The following LDLRAD4 variants were observed in gnomAD, a reference collection of about 807,000 sequenced individuals.
The protein encoded by LDLRAD4 is low density lipoprotein receptor class A domain containing 4.
Under a neutral mutation model 17.0 loss-of-function variants are expected in LDLRAD4, and 5 were observed. That is an observed-to-expected ratio of 0.29 (90% confidence interval 0.15 to 0.62). The LOEUF (loss-of-function observed/expected upper bound fraction) is 0.62, where lower values mean the gene tolerates loss of function less well. Among genes scored for constraint, LDLRAD4 ranks in the 20% least tolerant of loss-of-function variants. The pLI is 0.84. For synonymous variants in LDLRAD4, 168 were observed against 171.8 expected (o/e 0.98, Z 0.17); for missense variants, 340 against 424.7 (o/e 0.80, Z 1.75).
At chr18:13,239,149 T>A (rs887519726) in intron 1 of LDLRAD4, among the ~76,000 whole-genome samples, 4 of 146,018 alleles carry the variant, frequency 2.7e-5, no homozygotes, top group Middle Eastern at 7.1e-3. Context: ...ATCACACCAC[T>A]GTACTCCAGC....
At chr18:13,438,470 G>A (rs2090813373) in intron 3 of LDLRAD4, 86 bp downstream of exon 4, 2 of 1,084,280 alleles carry the variant, frequency 1.8e-6, no homozygotes, top group Non-Finnish European at 2.7e-6. Flanking sequence ...ATGGGAAGGA[G>A]GTTGTTTTCT....
At chr18:13,417,858 TTGTG>T (rs2089064441) in intron 2 of LDLRAD4, among the ~76,000 whole-genome samples, 2 of 151,896 alleles carry the variant, frequency 1.3e-5, no homozygotes, top group South Asian at 2.1e-4. Flanking sequence ...TGTGTGTGGT[TTGTG>T]TGTGTGTGTT....
At chr18:13,261,718 G>A (rs1003368577) in intron 1 of LDLRAD4, among the ~76,000 whole-genome samples, 1 of 152,152 alleles carries the variant, frequency 6.6e-6, no homozygotes, top group Non-Finnish European at 1.5e-5. Context: ...TTCAGGATTT[G>A]TAAAGACTTC....
intron 3 of LDLRAD4, among the ~76,000 whole-genome samples, chr18:13,532,965 A>G (rs2094150904): frequency 6.6e-6 from 1 of 152,242 alleles, no homozygotes; most frequent in Non-Finnish European, 1.5e-5. Flanking sequence ...CTGAATGAGA[A>G]GCAAAACAAC....
chr18:13,375,431 G>T (rs1050081872), intron 1 of LDLRAD4, among the ~76,000 whole-genome samples: 2 of 152,158 alleles, frequency 1.3e-5, no homozygotes. Context: ...CATTTCGATA[G>T]GAGTGATGTC....
Position 13,284,229 on chromosome 18 carries a change from G to A in LDLRAD4, c.-383+6041G>A, listed in dbSNP as rs969679170. Among the ~76,000 whole-genome samples the A allele has an allele frequency of 4.3e-4, 65 of 152,250 alleles. 1 individual carries two copies. The highest frequency in any genetic ancestry group is 8.8e-4 in the Non-Finnish European group (60 of 68,024). On this transcript the variant is annotated intron_variant, in intron 1 of 5. Coordinates refer to ENST00000359446, the Ensembl canonical transcript of LDLRAD4. ...TGCCAGCCCGCAGGAAGAAAGTCCCGTGGTGGGAACACCACTTTCAGAGGT... is the reference window on the plus strand; with the variant it reads ...TGCCAGCCCGCAGGAAGAAAGTCCCATGGTGGGAACACCACTTTCAGAGGT...
chr18:13,466,807 C>A (rs73406360), intron 3 of LDLRAD4, among the ~76,000 whole-genome samples: 8,428 of 152,266 alleles, frequency 0.055, 263 homozygotes, highest in Middle Eastern at 0.068. Flanking sequence ...TTTCCTGGTT[C>A]ATAGATGGAA....
chr18:13,506,140 C>T (rs1426951932), intron 3 of LDLRAD4, among the ~76,000 whole-genome samples: 1 of 152,184 alleles, frequency 6.6e-6, no homozygotes, highest in African/African-American at 2.4e-5. Flanking sequence ...AGCCACTTTC[C>T]TCCTAAGCTC....
chr18:13,577,735 A>C (rs2094795962), intron 3 of LDLRAD4, among the ~76,000 whole-genome samples: 1 of 152,198 alleles, frequency 6.6e-6, no homozygotes, highest in South Asian at 2.1e-4. Context: ...TCGGTTGCAA[A>C]TTGATTTGCT....
At chr18:13,329,849 T>C (rs927938056) in intron 1 of LDLRAD4, among the ~76,000 whole-genome samples, 5 of 152,204 alleles carry the variant, frequency 3.3e-5, no homozygotes, top group African/African-American at 1.2e-4. Flanking sequence ...TTCATTATTC[T>C]GATTAATTGG....
At chr18:13,236,413 G>C (rs2042341771) in intron 1 of LDLRAD4, 1 of 148,120 alleles carries the variant, frequency 6.8e-6, no homozygotes, top group South Asian at 2.1e-4. Flanking sequence ...GGGTTCAAGC[G>C]ATTCTCCTGC....
intron 4 of LDLRAD4, among the ~76,000 whole-genome samples, chr18:13,634,468 T>C (rs1372734491): frequency 6.6e-6 from 1 of 152,128 alleles, no homozygotes; most frequent in African/African-American, 2.4e-5. Context: ...CCATTTTCAA[T>C]AGCATCAAAA....
chr18:13,238,176 G>C (rs1025030395), intron 1 of LDLRAD4, among the ~76,000 whole-genome samples: 2 of 152,190 alleles, frequency 1.3e-5, no homozygotes, highest in Non-Finnish European at 2.9e-5. Flanking sequence ...GAGGGCATGA[G>C]ATCACAGAGC....
intron 1 of LDLRAD4, among the ~76,000 whole-genome samples, chr18:13,270,371 A>G (rs2044463118): frequency 6.6e-6 from 1 of 151,696 alleles, no homozygotes; most frequent in Non-Finnish European, 1.5e-5. Flanking sequence ...AAAAAAAAAG[A>G]AAAGGAAAAA....
intron 1 of LDLRAD4, among the ~76,000 whole-genome samples, chr18:13,360,299 T>A (rs562798847): frequency 6.6e-6 from 1 of 152,364 alleles, no homozygotes; most frequent in South Asian, 2.1e-4. Context: ...CCTGTAGAGA[T>A]TCCCTTCTCA....
At chr18:13,632,971 C>T (rs1037257645) in intron 4 of LDLRAD4, among the ~76,000 whole-genome samples, 1 of 152,008 alleles carries the variant, frequency 6.6e-6, no homozygotes, top group African/African-American at 2.4e-5. Flanking sequence ...ATGGGTAGCT[C>T]CTTTCTGTAG....
chr18:13,510,907 C>A (rs1940915), intron 3 of LDLRAD4, among the ~76,000 whole-genome samples: 56,838 of 152,006 alleles, frequency 0.37, 11,675 homozygotes, highest in Middle Eastern at 0.56. Context: ...GAAACTTCAA[C>A]ACAAAACAAA....
intron 3 of LDLRAD4, among the ~76,000 whole-genome samples, chr18:13,547,668 G>T (rs147930780): frequency 4.0e-4 from 61 of 152,318 alleles, no homozygotes; most frequent in African/African-American, 1.3e-3. Context: ...GCTGTGGCTG[G>T]ACCAGGCATA....
At chr18:13,231,354 G>A (rs959505592) in intron 1 of LDLRAD4, among the ~76,000 whole-genome samples, 1 of 152,188 alleles carries the variant, frequency 6.6e-6, no homozygotes, top group Admixed American at 6.5e-5. Flanking sequence ...TGGGCACGGG[G>A]CGCTGCTCTT....
Sources: allele counts gnomAD v4.1 joint callset (sites outside exome capture counted in the v4.1 genomes callset), GRCh38; gene constraint gnomAD v4.1.1; transcripts MANE v1.5; gene names NCBI Gene and HGNC (gene_info 2026-07-23, HGNC 2026-07-21).